MAN1C1: variants seen among roughly 807,000 people sequenced by gnomAD.
MAN1C1 encodes the protein mannosidase alpha class 1C member 1, also known as mannosyl-oligosaccharide 1,2-alpha-mannosidase IC.
In MAN1C1, 49 loss-of-function variants were observed where a neutral mutation model predicts 71.5. The observed-to-expected ratio is 0.69, with a 90% CI of 0.54 to 0.87. MAN1C1 has a LOEUF of 0.87. MAN1C1 is among the 40% of genes least tolerant of loss of function. The pLI is 0.00. For synonymous variants in MAN1C1, 352 were observed against 343.7 expected, an observed-to-expected ratio of 1.02 and a Z score of -0.27; for missense variants, 743 against 835.0, an observed-to-expected ratio of 0.89 and a Z score of 1.36.
In MAN1C1 at chr1:25,617,062, C is replaced by A. The variant is rs966496852; in HGVS notation, c.-736C>A. Reference sequence around the variant, plus strand: ...GGGCGCATCTGCAGCCGCCCAGCCGCGGCTCCGGACCCAGGCATCCCTGCG... The same window carrying A: ...GGGCGCATCTGCAGCCGCCCAGCCGAGGCTCCGGACCCAGGCATCCCTGCG... On this transcript the variant is annotated 5_prime_UTR_variant, in exon 1 of 12. Transcript: ENST00000374332. The surrounding 1 kb of genome is among the most constrained non-coding windows in gnomAD (Gnocchi z 5.1). 3.3e-5 allele frequency among the ~76,000 whole-genome samples: 5 copies of A among 151,842 alleles called. No homozygotes were observed. Among genetic ancestry groups the A allele is most frequent in the African/African-American group, 1.2e-4 (5 of 41,390 alleles).
intron 1 of MAN1C1, among the ~76,000 whole-genome samples, chr1:25,635,963 C>T (rs1572109482): frequency 6.6e-6 from 1 of 152,158 alleles, no homozygotes; most frequent in East Asian, 1.9e-4. Flanking sequence ...TACAGCCGGG[C>T]CTCCGGGGTG....
At position 25,634,178 on chromosome 1, in the gene MAN1C1, C is replaced by G. The variant is rs2045424708; in HGVS notation, c.540+15841C>G. ...TACAATCATGTTGTCTATGTCAAGA[C>G]AGTCTTACTTCTTCCTTTACAGTTT... On this transcript the variant is annotated intron_variant, in intron 1 of 11. Transcript: ENST00000374332. The surrounding 1 kb of genome is among the most constrained non-coding windows in gnomAD (Gnocchi z 4.6). Among the ~76,000 whole-genome samples, 1 of 152,178 alleles carries G rather than the reference C, an allele frequency of 6.6e-6. No individual in the cohort carries two copies. The highest frequency in any genetic ancestry group is 1.5e-5 in the Non-Finnish European group (1 of 68,032).
rs1343012996 is a variant in MAN1C1, at chr1:25,745,238, GGGCCA to G, written c.638-1425_638-1421del. On this transcript the variant is annotated intron_variant, in intron 2 of 11. Transcript: ENST00000374332. Reference sequence around the variant, plus strand: ...ACAGGTGCCTGATGCCCAGTGGTAGGGGCCAGGCCTCGTAGCTGGTTCGTGCACTA... The same window carrying G: ...ACAGGTGCCTGATGCCCAGTGGTAGGGGCCTCGTAGCTGGTTCGTGCACTA... Among the ~76,000 whole-genome samples the G allele has an allele frequency of 3.3e-5, 5 of 152,284 alleles. No homozygotes were observed. In the Middle Eastern group the frequency reaches 0.01, roughly 311 times the overall value.
At position 25,763,860 on chromosome 1, in the gene MAN1C1, CCGT is replaced by C; in HGVS notation, c.1048-12_1048-10del. 6.2e-7 allele frequency: 1 copy of C among 1,611,572 alleles called. No individual in the cohort carries two copies. The highest frequency in any genetic ancestry group is 8.5e-7 in the Non-Finnish European group (1 of 1,177,948). ...GGAAGCATGAAGGCTCACCTGGTGT[CCGT>C]CTCTCGGCAGGTCAGGAACATCCGC... On this transcript the variant is annotated splice_polypyrimidine_tract_variant and intron_variant, in intron 6 of 11. Coordinates refer to ENST00000374332, the MANE Select transcript of MAN1C1 (RefSeq NM_020379.4).
At chr1:25,719,502 G>T (rs1279185950) in intron 2 of MAN1C1, among the ~76,000 whole-genome samples, 2 of 151,724 alleles carry the variant, frequency 1.3e-5, no homozygotes. Context: ...TTAGCTCACT[G>T]CAGCCTCGAA....
At chr1:25,623,120 A>C (rs545297911) in intron 1 of MAN1C1, among the ~76,000 whole-genome samples, 8 of 152,124 alleles carry the variant, frequency 5.3e-5, no homozygotes, top group Non-Finnish European at 1.0e-4. Context: ...TGCATTTAAC[A>C]TAGGTGGAGA....
rs536599081 is a variant in MAN1C1 at position 25,769,701 on chromosome 1, G to A, written c.1142-1956G>A. On this transcript the variant is annotated intron_variant, in intron 7 of 11. Coordinates refer to ENST00000374332, the MANE Select transcript of MAN1C1 (RefSeq NM_020379.4). This position sits in a 1 kb window ranked among gnomAD's most constrained non-coding sequence, Gnocchi z 4.8. Reference sequence around the variant, plus strand: ...CACTCCATGGGCATCTCTGTGCGCCGTGTAGTTACTGGGCACAGAGCGGGA... The same window carrying A: ...CACTCCATGGGCATCTCTGTGCGCCATGTAGTTACTGGGCACAGAGCGGGA... Among the ~76,000 whole-genome samples the A allele has an allele frequency of 6.6e-6, 1 of 152,158 alleles. No homozygotes were observed. The highest frequency in any genetic ancestry group is 2.4e-5 in the African/African-American group (1 of 41,500).
chr1:25,712,338 G>A (rs1429433441), intron 2 of MAN1C1, among the ~76,000 whole-genome samples: 1 of 152,174 alleles, frequency 6.6e-6, no homozygotes, highest in African/African-American at 2.4e-5. Flanking sequence ...TTGCTGTAAA[G>A]CCCCTGGGGA....
At position 25,639,031 on chromosome 1, in the gene MAN1C1, A is replaced by AT. The variant is rs1346222157; in HGVS notation, c.540+20702dup. 5.9e-5 allele frequency among the ~76,000 whole-genome samples: 9 copies of AT among 151,912 alleles called. No homozygotes were observed. The East Asian group carries it at 9.7e-4, about 16-fold the overall frequency. ...CCTAGAGGTCACTGAGGCTCTGCTC[A>AT]TTTTTTTTCTTTGGTCTTCCTTTCT... On this transcript the variant is annotated intron_variant, in intron 1 of 11. Coordinates refer to ENST00000374332, the MANE Select transcript of MAN1C1 (RefSeq NM_020379.4).
chr1:25,706,177 C>G (rs951212232), intron 2 of MAN1C1, among the ~76,000 whole-genome samples: 2 of 152,132 alleles, frequency 1.3e-5, no homozygotes, highest in African/African-American at 4.8e-5. Flanking sequence ...GATGCCTGTC[C>G]CTTGCTTCCT....
chr1:25,772,066 G>A, intron 8 of MAN1C1: 1 of 358,180 alleles, frequency 2.8e-6, no homozygotes, highest in South Asian at 3.6e-5. Flanking sequence ...GTCTGATTCA[G>A]AAACCACCAC....
intron 4 of MAN1C1, among the ~76,000 whole-genome samples, chr1:25,751,572 G>T (rs1212919422): frequency 6.6e-6 from 1 of 152,226 alleles, no homozygotes; most frequent in African/African-American, 2.4e-5. Flanking sequence ...GAACCCCTGG[G>T]CAGGCAGGCA....
intron 1 of MAN1C1, chr1:25,645,922 C>G (rs746738958): frequency 6.6e-6 from 1 of 152,308 alleles, no homozygotes; most frequent in Non-Finnish European, 1.5e-5. Context: ...TCTCTGGCAA[C>G]AAGTAGCCTT....
intron 1 of MAN1C1, among the ~76,000 whole-genome samples, chr1:25,620,268 T>C (rs3767923): frequency 0.17 from 26,041 of 152,126 alleles, 5,616 homozygotes; most frequent in African/African-American, 0.49. Context: ...TTCTAGCTGG[T>C]ATCTCCTTGC....
intron 1 of MAN1C1, among the ~76,000 whole-genome samples, chr1:25,672,563 C>T (rs1474962897): frequency 1.3e-5 from 2 of 152,150 alleles, no homozygotes; most frequent in Admixed American, 1.3e-4. Flanking sequence ...CATCTCATCA[C>T]TTGGACACTG....
In MAN1C1 at chr1:25,769,652, C is replaced by G. The variant is rs2047519354; in HGVS notation, c.1142-2005C>G. 6.6e-6 allele frequency among the ~76,000 whole-genome samples: 1 copy of G among 152,216 alleles called. No homozygotes were observed. Among genetic ancestry groups the G allele is most frequent in the Admixed American group, 6.5e-5 (1 of 15,292 alleles). ...GCCTCCCATCCCGGCAGAGCCCAGG[C>G]CTCCCTTCCATTCACCTGCTCAGCA... On this transcript the variant is annotated intron_variant, in intron 7 of 11. Coordinates refer to ENST00000374332, the MANE Select transcript of MAN1C1 (RefSeq NM_020379.4). The surrounding 1 kb of genome is among the most constrained non-coding windows in gnomAD (Gnocchi z 4.8).
chr1:25,749,135 C>A, intron 3 of MAN1C1, 120 bp from the exon 4 acceptor site: 2 of 698,274 alleles, frequency 2.9e-6, no homozygotes, highest in Non-Finnish European at 4.7e-6. Context: ...CGTCACCTTG[C>A]CTGGCTTACC....
At chr1:25,719,395 TTTTATTTATTTATTTATTTATTTATTTA>T (rs76291035) in intron 2 of MAN1C1, among the ~76,000 whole-genome samples, 3 of 139,952 alleles carry the variant, frequency 2.1e-5, no homozygotes, top group African/African-American at 8.1e-5. Flanking sequence ...ATTTTTTATC[TTTTATTTATTTATTTATTTATTTATTTA>T]TTTATTTATT....
At chr1:25,739,823 G>A (rs369858928) in intron 2 of MAN1C1, among the ~76,000 whole-genome samples, 5 of 152,258 alleles carry the variant, frequency 3.3e-5, no homozygotes, top group East Asian at 1.9e-4. Flanking sequence ...TGCTCTGGAC[G>A]TAGTCACCAC....
Sources: gnomAD v4.1 joint callset for allele counts (sites outside exome capture counted in the v4.1 genomes callset) on GRCh38, gnomAD v4.1.1 for gene constraint, Gnocchi (gnomAD v3.1) non-coding constraint, MANE v1.5 for transcripts, NCBI Gene and HGNC (gene_info 2026-07-23, HGNC 2026-07-21) for gene names.